The following METTL14 variants were observed in gnomAD, a reference collection of about 807,000 sequenced individuals.
The protein encoded by METTL14 is N(6)-adenosine-methyltransferase non-catalytic subunit METTL14.
A neutral mutation model predicts 62.4 loss-of-function variants in METTL14; 32 were observed. The ratio of observed to expected loss-of-function variants is 0.51; its 90% CI spans 0.39 to 0.69. The LOEUF is 0.69. METTL14 is among the 30% of genes least tolerant of loss of function. The probability of loss-of-function intolerance (pLI) is 0.00; values close to 1 mark genes in which losing one functional copy is unlikely to be tolerated. For synonymous variants in METTL14, 150 were observed against 180.0 expected (o/e 0.83, Z 1.34); for missense variants, 340 against 551.9 (o/e 0.62, Z 3.85).
chr4:118,686,289 C>T (rs1458169087), intron 1 of METTL14, among the ~76,000 whole-genome samples: 1 of 152,224 alleles, frequency 6.6e-6, no homozygotes, highest in African/African-American at 2.4e-5. Flanking sequence ...TCTTCTAAAC[C>T]ATTGTCCTTC....
At chr4:118,688,817 G>A (rs975594808) in intron 2 of METTL14, among the ~76,000 whole-genome samples, 4 of 151,976 alleles carry the variant, frequency 2.6e-5, no homozygotes, top group African/African-American at 9.7e-5. Flanking sequence ...GGGACTACAG[G>A]TGCGCGCCAC....
At position 118,710,247 on chromosome 4, in the gene METTL14, G is replaced by T. The variant is rs755984561; in HGVS notation, c.1316G>T (p.Gly439Val). Reference protein sequence around the residue: ...RNRSNFRGERGGFRGGRGGAH... With the variant: ...RNRSNFRGERVGFRGGRGGAH... The stretch of plus-strand genomic sequence containing the variant: ...AGATCTAACTTCCGAGGAGAAAGAG[G>T]TGGCTTTAGAGGGGGCCGTGGAGGA... The change falls in exon 11 of 11, where the codon GGT becomes GTT. Residue 439 changes from glycine (G) to valine (V), a missense_variant. Physicochemically the swap from Gly to Val is moderately radical, Grantham distance 109. Transcript: ENST00000388822. 1 of 1,614,192 alleles carries T rather than the reference G, an allele frequency of 6.2e-7. No homozygotes were observed. Among genetic ancestry groups the T allele is most frequent in the South Asian group, 1.1e-5 (1 of 91,090 alleles).
rs937166286 is a variant in METTL14 at position 118,714,192 on chromosome 4, G to A, written c.*3890G>A. The A allele has an allele frequency of 6.6e-6, 1 of 152,180 alleles. No homozygotes were observed. Among genetic ancestry groups the A allele is most frequent in the Non-Finnish European group, 1.5e-5 (1 of 68,036 alleles). 9.4% of individuals were successfully genotyped at this position (152,180 alleles called of 1,614,324 possible). ...ATTGTCTTCTTTAGGCACATTGTTTGCATATTAACGACATGGAAATATTTT... is the reference window on the plus strand; with the variant it reads ...ATTGTCTTCTTTAGGCACATTGTTTACATATTAACGACATGGAAATATTTT... On this transcript the variant is annotated 3_prime_UTR_variant, in exon 11 of 11. Coordinates refer to ENST00000388822, the MANE Select transcript of METTL14 (RefSeq NM_020961.4).
chr4:118,702,806 A>C (rs1724633638), intron 8 of METTL14, among the ~76,000 whole-genome samples: 1 of 151,408 alleles, frequency 6.6e-6, no homozygotes, highest in African/African-American at 2.4e-5. Context: ...TTTCATTTTG[A>C]GGTGTTATCT....
Position 118,710,031 on chromosome 4 carries a change from G to A in METTL14, c.1100G>A (p.Ser367Asn). Residue 367 changes from serine (S) to asparagine (N), a missense_variant, in exon 11 of 11, where the codon AGC (serine) becomes AAC (asparagine). This residue lies in a region of METTL14 where 62 missense variants were observed against 82.3 expected (regional missense o/e 0.75). Transcript: ENST00000388822. ...ACAGTTGGACCAACGCTTACAAATA[G>A]CAACTACAATGCAGAAACATATGCA... Reference protein sequence around the residue: ...WLTVGPTLTNSNYNAETYASY... With the variant: ...WLTVGPTLTNNNYNAETYASY... The A allele has an allele frequency of 6.2e-7, 1 of 1,612,896 alleles. No individual in the cohort carries two copies. The highest frequency in any genetic ancestry group is 8.5e-7 in the Non-Finnish European group (1 of 1,179,344).
Position 118,705,711 on chromosome 4 carries a change from C to G in METTL14, c.956C>G (p.Pro319Arg). ...VDIDLIITEEPEIGNIEKPVE... is the reference protein window; with the variant it reads ...VDIDLIITEEREIGNIEKPVE... The stretch of plus-strand genomic sequence containing the variant: ...ATTGACTTAATTATCACAGAAGAAC[C>G]TGAAATTGGCAATATAGAAAAACCT... Residue 319 changes from proline to arginine, a missense_variant, in exon 10 of 11, where the codon CCT (proline) becomes CGT (arginine). Coordinates refer to ENST00000388822, the MANE Select transcript of METTL14 (RefSeq NM_020961.4). 1 of 1,613,978 alleles carries G rather than the reference C, an allele frequency of 6.2e-7. No homozygotes were observed. The highest frequency in any genetic ancestry group is 8.5e-7 in the Non-Finnish European group (1 of 1,179,964).
At chr4:118,705,442 C>T (rs1724727033) in intron 9 of METTL14, among the ~76,000 whole-genome samples, 169 bp from the exon 10 acceptor site, 1 of 152,118 alleles carries the variant, frequency 6.6e-6, no homozygotes, top group South Asian at 2.1e-4. Flanking sequence ...CTACTGTACT[C>T]CAGCCTGGGT....
At position 118,704,090 on chromosome 4, in the gene METTL14, A is replaced by AT. The variant is rs142442688; in HGVS notation, c.855+43dup. On this transcript the variant is annotated intron_variant, in intron 9 of 10. Transcript: ENST00000388822. ...TGATTTGTTTTTTTTAATTTTTGTG[A>AT]TTTTCTCTCAAGCTTTTCCAAATAA... 1,023 of 1,252,520 alleles carry AT rather than the reference A, an allele frequency of 8.2e-4. 9 individuals are homozygous for AT. In the African/African-American group the frequency reaches 0.014, roughly 17 times the overall value. 77.6% of individuals were successfully genotyped at this position (1,252,520 alleles called of 1,614,324 possible).
rs553320719 is a variant in METTL14 at position 118,714,449 on chromosome 4, A to C, written c.*4147A>C. 1 of 152,314 alleles carries C rather than the reference A, an allele frequency of 6.6e-6. No individual in the cohort carries two copies. The highest frequency in any genetic ancestry group is 2.1e-4 in the South Asian group (1 of 4,822). 9.4% of individuals were successfully genotyped at this position (152,314 alleles called of 1,614,324 possible). ...CCAGCTAATTGTCACCACAGAGAGAAGAGGGTAAGTCTGAGATGTTCATGT... is the reference window on the plus strand; with the variant it reads ...CCAGCTAATTGTCACCACAGAGAGACGAGGGTAAGTCTGAGATGTTCATGT... On this transcript the variant is annotated 3_prime_UTR_variant, in exon 11 of 11. Coordinates refer to ENST00000388822, the MANE Select transcript of METTL14 (RefSeq NM_020961.4).
chr4:118,706,597 C>A (rs1443911603), intron 10 of METTL14, among the ~76,000 whole-genome samples: 3 of 152,136 alleles, frequency 2.0e-5, no homozygotes, highest in Non-Finnish European at 4.4e-5. Context: ...TGGGTAAATA[C>A]CAAGGAGCAC....
chr4:118,696,172 C>T (rs1426109163), intron 6 of METTL14, among the ~76,000 whole-genome samples: 2 of 145,952 alleles, frequency 1.4e-5, no homozygotes, highest in African/African-American at 5.0e-5. Context: ...ATTAGAAGCA[C>T]CACAGAATGT....
intron 1 of METTL14, 101 bp downstream of exon 1, chr4:118,685,701 C>A: frequency 9.8e-7 from 1 of 1,020,336 alleles, no homozygotes; most frequent in Non-Finnish European, 1.5e-6. Flanking sequence ...TCTCTACCTG[C>A]CGCTGTTAAG....
chr4:118,700,908 A>T (rs192909462), intron 8 of METTL14, among the ~76,000 whole-genome samples: 249 of 152,292 alleles, frequency 1.6e-3, no homozygotes, highest in African/African-American at 5.7e-3. Context: ...AAAGATTTGA[A>T]ACTCCAAATT....
chr4:118,690,180 A>G (rs1724202644), intron 3 of METTL14, among the ~76,000 whole-genome samples: 2 of 150,362 alleles, frequency 1.3e-5, no homozygotes, highest in African/African-American at 4.9e-5. Context: ...AGCTGGGACT[A>G]CAAGCACGCA....
intron 2 of METTL14, among the ~76,000 whole-genome samples, chr4:118,688,441 C>CAA (rs10549507): frequency 8.4e-6 from 1 of 118,674 alleles, no homozygotes; most frequent in African/African-American, 3.4e-5. Flanking sequence ...GACTCCGTCT[C>CAA]AAAAAAAAAA....
chr4:118,706,767 C>T (rs971384227), intron 10 of METTL14, among the ~76,000 whole-genome samples: 7 of 152,154 alleles, frequency 4.6e-5, no homozygotes, highest in Non-Finnish European at 7.4e-5. Flanking sequence ...AGGATTTTGG[C>T]AATTTTAGTG....
intron 5 of METTL14, among the ~76,000 whole-genome samples, chr4:118,694,126 GTT>G (rs373278873): frequency 1.7e-5 from 2 of 116,406 alleles, no homozygotes; most frequent in Non-Finnish European, 3.7e-5. Context: ...AAAGGTAGTT[GTT>G]TTTTTTTTTT....
At chr4:118,689,058 A>G (rs1456553776) in intron 2 of METTL14, among the ~76,000 whole-genome samples, 1 of 152,182 alleles carries the variant, frequency 6.6e-6, no homozygotes, top group Non-Finnish European at 1.5e-5. Context: ...TTTTTTCGCT[A>G]TTCTAGTTTT....
chr4:118,704,034 G>A lies in METTL14; in HGVS notation c.838G>A (p.Val280Ile). Residue 280 changes from valine (V) to isoleucine (I), a missense_variant, in exon 9 of 11, where the codon GTC becomes ATC. This residue lies in a region of METTL14 where 58 missense variants were observed against 147.5 expected (regional missense o/e 0.39). Transcript: ENST00000388822. ...GACTAAGACTTTAGATCCAAAGGCT[G>A]TCTTTCAGAGAACAAAGGTATTGCC... Reference protein sequence around the residue: ...GKTKTLDPKAVFQRTKEHCLM... With the variant: ...GKTKTLDPKAIFQRTKEHCLM... 4 of 1,577,576 alleles carry A rather than the reference G, an allele frequency of 2.5e-6. No individual in the cohort carries two copies. The highest frequency in any genetic ancestry group is 3.4e-6 in the Non-Finnish European group (4 of 1,165,670).
Sources: gnomAD v4.1 joint callset for allele counts (sites outside exome capture counted in the v4.1 genomes callset) on GRCh38, gnomAD v4.1.1 for gene constraint, gnomAD v4.1.1 regional missense constraint, MANE v1.5 for transcripts, NCBI Gene and HGNC (gene_info 2026-07-23, HGNC 2026-07-21) for gene names.